ATG7: variants seen among roughly 807,000 people sequenced by gnomAD.
ATG7 encodes autophagy related 7, also known as ubiquitin-like modifier-activating enzyme ATG7.
Under a neutral mutation model 82.4 loss-of-function variants are expected in ATG7, and 70 were observed. The observed-to-expected ratio is 0.85, with a 90% confidence interval of 0.70 to 1.04. ATG7 has a LOEUF of 1.04. Ranked by LOEUF, ATG7 falls within the 50% of genes least tolerant of loss-of-function variation. The pLI is 0.00. For missense variants in ATG7, 792 were observed against 864.3 expected (o/e 0.92, Z 1.05); for synonymous variants, 287 against 313.0 (o/e 0.92, Z 0.88).
chr3:11,473,840 G>T (rs1219590701), intron 20 of ATG7, among the ~76,000 whole-genome samples: 4 of 152,106 alleles, frequency 2.6e-5, no homozygotes, highest in Admixed American at 2.0e-4. Flanking sequence ...TCACTATTTG[G>T]TTACTGTGCT....
At chr3:11,309,142 C>T in intron 7 of ATG7, 81 bp downstream of exon 7, 1 of 1,307,520 alleles carries the variant, frequency 7.6e-7, no homozygotes, top group African/African-American at 1.5e-5. Flanking sequence ...ACAGTCTGCT[C>T]TTCTCTCCGA....
chr3:11,499,009 A>G (rs1320440890), intron 20 of ATG7, among the ~76,000 whole-genome samples: 1 of 152,190 alleles, frequency 6.6e-6, no homozygotes, highest in Non-Finnish European at 1.5e-5. Flanking sequence ...GAATTACTCC[A>G]CAGAGCCCTA....
chr3:11,392,183 G>C (rs1042223004), intron 19 of ATG7, among the ~76,000 whole-genome samples: 3 of 152,138 alleles, frequency 2.0e-5, no homozygotes, highest in Admixed American at 6.5e-5. Context: ...GGGGTTGAGA[G>C]TTTAAAAGCT....
intron 3 of ATG7, among the ~76,000 whole-genome samples, chr3:11,287,492 C>T (rs1284634020): frequency 6.6e-6 from 1 of 152,042 alleles, no homozygotes; most frequent in Admixed American, 6.6e-5. Context: ...GTGACAGGGC[C>T]GTGGGGTAGA....
intron 11 of ATG7, among the ~76,000 whole-genome samples, chr3:11,338,401 A>G (rs1356008749): frequency 6.6e-6 from 1 of 152,150 alleles, no homozygotes; most frequent in Non-Finnish European, 1.5e-5. Context: ...ATGTTAAGAG[A>G]CACATTTTTA....
chr3:11,522,385 G>A (rs1001944344), intron 20 of ATG7, among the ~76,000 whole-genome samples: 1 of 152,150 alleles, frequency 6.6e-6, no homozygotes, highest in African/African-American at 2.4e-5. Flanking sequence ...GCTAACTATA[G>A]GTGGGTTTAC....
the ATG7 span, among the ~76,000 whole-genome samples, chr3:11,571,214 AG>A: frequency 6.6e-6 from 1 of 152,190 alleles, no homozygotes; most frequent in Non-Finnish European, 1.5e-5. Flanking sequence ...GCAGGGACAC[AG>A]GGCAGAGACT....
chr3:11,554,977 C>T lies in ATG7; in HGVS notation c.*134C>T, dbSNP rs570598186. 1.3e-4 allele frequency: 147 copies of T among 1,158,850 alleles called. 3 individuals are homozygous for T. The South Asian group carries it at 2.1e-3, about 17-fold the overall frequency. 71.8% of individuals were successfully genotyped at this position (1,158,850 alleles called of 1,614,324 possible). A position where few individuals can be genotyped will look rare whatever the true frequency, so the allele number is the denominator to read the frequency against. On this transcript the variant is annotated 3_prime_UTR_variant, in exon 21 of 21. Coordinates refer to ENST00000693202, the MANE Select transcript of ATG7 (RefSeq NM_001349232.2). ...ATACCCCGAGGTCTGGGATTCCCCC[C>T]TCTGCTGCCCAGGAGTGGCCAGTGT... is the stretch of plus-strand genomic sequence containing the variant.
intron 20 of ATG7, among the ~76,000 whole-genome samples, chr3:11,467,782 C>G (rs927096022): frequency 3.3e-5 from 5 of 152,162 alleles, no homozygotes; most frequent in Admixed American, 1.3e-4. Context: ...CAAATATAAT[C>G]CCCATAAAGG....
rs1351604413 is a variant in ATG7, at chr3:11,331,391, C to A, written c.730C>A (p.Pro244Thr). ...TAACTTAGCCCAGTACCCTGGATGG[C>A]CTTTGAGGAATTTTTTGGTCCTAGC... ...PCNLAQYPGW[P>T]LRNFLVLAAH... The change falls in exon 10 of 21, where the codon CCT becomes ACT. Residue 244 changes from proline to threonine, a missense_variant. Coordinates refer to ENST00000693202, the MANE Select transcript of ATG7 (RefSeq NM_001349232.2). The A allele has an allele frequency of 6.2e-7, 1 of 1,613,636 alleles. No homozygotes were observed. Among genetic ancestry groups the A allele is most frequent in the African/African-American group, 1.3e-5 (1 of 75,016 alleles).
intron 20 of ATG7, among the ~76,000 whole-genome samples, chr3:11,475,348 A>G (rs1263951276): frequency 6.6e-6 from 1 of 152,130 alleles, no homozygotes; most frequent in Non-Finnish European, 1.5e-5. Context: ...TAAAGGAGGA[A>G]TCTGAGGTGG....
intron 18 of ATG7, among the ~76,000 whole-genome samples, chr3:11,369,114 C>T (rs112242353): frequency 6.6e-6 from 1 of 150,918 alleles, no homozygotes; most frequent in Non-Finnish European, 1.5e-5. Flanking sequence ...GGCCTTTCTG[C>T]ACAGGCTGTG....
At chr3:11,363,739 A>G (rs1056786651) in intron 17 of ATG7, among the ~76,000 whole-genome samples, 1 of 152,230 alleles carries the variant, frequency 6.6e-6, no homozygotes, top group Non-Finnish European at 1.5e-5. Flanking sequence ...GCTGTTTGCA[A>G]TACAGGCAGC....
At chr3:11,301,425 AT>A (rs2152694873) in intron 5 of ATG7, among the ~76,000 whole-genome samples, 1 of 152,354 alleles carries the variant, frequency 6.6e-6, no homozygotes, top group South Asian at 2.1e-4. Context: ...CTATTAGGAT[AT>A]TTAAAATAAA....
intron 20 of ATG7, among the ~76,000 whole-genome samples, chr3:11,476,723 T>C (rs2088282314): frequency 6.6e-6 from 1 of 152,228 alleles, no homozygotes; most frequent in South Asian, 2.1e-4. Flanking sequence ...CAGATGTTTT[T>C]CTTCTTTTTC....
chr3:11,554,874 C>T lies in ATG7; in HGVS notation c.*31C>T, dbSNP rs14016. The T allele has an allele frequency of 0.15, 243,108 of 1,608,164 alleles. 23,272 individuals are homozygous for T. The highest frequency in any genetic ancestry group is 0.4 in the East Asian group (17,692 of 44,718). On this transcript the variant is annotated 3_prime_UTR_variant, in exon 21 of 21. Transcript: ENST00000693202. ...CCCCGCTGTGGGGCTGACTTCTCCC[C>T]GGCCGCCTGCTGAGGAGCTCTCCAT...
chr3:11,561,430 C>T (rs552424729), downstream of ATG7, among the ~76,000 whole-genome samples: 4 of 152,182 alleles, frequency 2.6e-5, no homozygotes, highest in Admixed American at 6.5e-5. Flanking sequence ...TTGCCTTAAC[C>T]GGTCACCTGC....
intron 20 of ATG7, among the ~76,000 whole-genome samples, chr3:11,471,517 G>A (rs371224715): frequency 6.6e-6 from 1 of 152,114 alleles, no homozygotes; most frequent in East Asian, 1.9e-4. Context: ...CCATTTTGCA[G>A]ATGAAAATAA....
At chr3:11,568,952 A>T in the ATG7 span, 5 of 1,205,348 alleles carry the variant, frequency 4.1e-6, no homozygotes, top group Non-Finnish European at 5.2e-6. This position sits in a 1 kb window ranked among gnomAD's most constrained non-coding sequence, Gnocchi z 5.9. Context: ...ACGGAGAGAA[A>T]GATGGAAAGA....
Sources: allele counts gnomAD v4.1 joint callset (sites outside exome capture counted in the v4.1 genomes callset), GRCh38; gene constraint gnomAD v4.1.1; non-coding constraint Gnocchi (gnomAD v3.1); transcripts MANE v1.5; gene names NCBI Gene and HGNC (gene_info 2026-07-23, HGNC 2026-07-21).